The following MAP4K4 variants were observed in gnomAD, a reference collection of about 807,000 sequenced individuals.
MAP4K4 encodes HPK/GCK-like kinase HGK.
MAP4K4 carries 38 observed loss-of-function variants against 189.6 expected under a neutral mutation model. The ratio of observed to expected loss-of-function variants is 0.20; its 90% confidence interval spans 0.15 to 0.26. The LOEUF (loss-of-function observed/expected upper bound fraction) is 0.26. Ranked by LOEUF, MAP4K4 falls within the 10% of genes least tolerant of loss-of-function variation. The pLI, the probability that MAP4K4 is intolerant of heterozygous loss-of-function variation, is 1.00. For missense variants in MAP4K4, 1,054 were observed against 1,726.9 expected, an observed-to-expected ratio of 0.61 and a Z score of 6.91; for synonymous variants, 610 against 624.3, an observed-to-expected ratio of 0.98 and a Z score of 0.34.
intron 10 of MAP4K4, among the ~76,000 whole-genome samples, chr2:101,842,386 G>A (rs970429364): frequency 2.4e-4 from 37 of 152,168 alleles, no homozygotes; most frequent in African/African-American, 7.0e-4. Flanking sequence ...CTCGAATGCC[G>A]TGGAATCAGC....
At chr2:101,735,180 A>C (rs1001538724) in intron 2 of MAP4K4, among the ~76,000 whole-genome samples, 1 of 152,200 alleles carries the variant, frequency 6.6e-6, no homozygotes, top group Non-Finnish European at 1.5e-5. Context: ...CTGTTACCAT[A>C]CCATGGCAAG....
intron 2 of MAP4K4, among the ~76,000 whole-genome samples, chr2:101,731,866 T>G (rs975462837): frequency 6.6e-6 from 1 of 152,186 alleles, no homozygotes; most frequent in Non-Finnish European, 1.5e-5. Context: ...GGATTCCTTT[T>G]AAATGAAAAA....
At position 101,879,528 on chromosome 2, in the gene MAP4K4, G is replaced by C. The variant is rs767368242; in HGVS notation, c.3385+2382G>C. On this transcript the variant is annotated intron_variant, in intron 27 of 32. Coordinates refer to ENST00000324219, the Ensembl canonical transcript of MAP4K4. ...TCTTTTTCTTCTCTTAACATATATT[G>C]AATATTTTCCTGCAAACAATTCCCC... Among the ~76,000 whole-genome samples, 118 of 151,938 alleles carry C rather than the reference G, an allele frequency of 7.8e-4. 1 individual carries two copies. Among genetic ancestry groups the C allele is most frequent in the Non-Finnish European group, 1.4e-3 (93 of 67,982 alleles).
chr2:101,792,304 A>G (rs904738900), intron 3 of MAP4K4, among the ~76,000 whole-genome samples: 1 of 152,120 alleles, frequency 6.6e-6, no homozygotes, highest in Non-Finnish European at 1.5e-5. Context: ...TGTAGGTACA[A>G]TTTTAAATGT....
chr2:101,763,369 A>T, intron 2 of MAP4K4, among the ~76,000 whole-genome samples: 1 of 152,250 alleles, frequency 6.6e-6, no homozygotes, highest in East Asian at 1.9e-4. Context: ...TTATTAATAT[A>T]TACCCACTTT....
At chr2:101,859,998 G>A (rs905384572) in intron 15 of MAP4K4, 134 bp downstream of exon 15, 4 of 952,784 alleles carry the variant, frequency 4.2e-6, no homozygotes, top group Non-Finnish European at 4.8e-6. Context: ...TTCTAACTAG[G>A]AAATTGAATT....
chr2:101,833,486 G>A (rs2096649495), intron 7 of MAP4K4, among the ~76,000 whole-genome samples: 1 of 152,042 alleles, frequency 6.6e-6, no homozygotes, highest in Non-Finnish European at 1.5e-5. Context: ...CGGGCATGGT[G>A]GCGGGCGCCT....
At chr2:101,720,082 GAGAA>G (rs1478165788) in intron 2 of MAP4K4, among the ~76,000 whole-genome samples, 1 of 151,932 alleles carries the variant, frequency 6.6e-6, no homozygotes, top group Non-Finnish European at 1.5e-5. Context: ...AAATGCTGTT[GAGAA>G]AGAAACAAGG....
At chr2:101,849,921 C>T (rs1322801273) in intron 12 of MAP4K4, among the ~76,000 whole-genome samples, 1 of 151,822 alleles carries the variant, frequency 6.6e-6, no homozygotes, top group African/African-American at 2.4e-5. Context: ...AGATGGTGTC[C>T]TGGAGAAAAC....
intron 3 of MAP4K4, among the ~76,000 whole-genome samples, chr2:101,816,620 G>T (rs1482208063): frequency 6.6e-6 from 1 of 152,184 alleles, no homozygotes; most frequent in Non-Finnish European, 1.5e-5. Flanking sequence ...GACAGTGGAT[G>T]ATGAGTGCTC....
chr2:101,713,274 C>T (rs1408686098), intron 2 of MAP4K4, among the ~76,000 whole-genome samples: 1 of 152,004 alleles, frequency 6.6e-6, no homozygotes, highest in Non-Finnish European at 1.5e-5. Context: ...GCCAGTGTTC[C>T]AGTTTGACAG....
In MAP4K4 at chr2:101,753,117, A is replaced by AGCAG. The variant is rs539279157; in HGVS notation, c.124-37599_124-37596dup. 2.6e-4 allele frequency among the ~76,000 whole-genome samples: 39 copies of AGCAG among 152,344 alleles called. No individual in the cohort carries two copies. The South Asian group carries it at 4.8e-3, about 19-fold the overall frequency. On this transcript the variant is annotated intron_variant, in intron 2 of 32. Coordinates refer to ENST00000324219, the Ensembl canonical transcript of MAP4K4. ...TTAATCTCTCAAATTAATGCTATAAAGCAGGCACTGTTTTTATTTCCATTT... is the reference window on the plus strand; with the variant it reads ...TTAATCTCTCAAATTAATGCTATAAAGCAGGCAGGCACTGTTTTTATTTCCATTT...
intron 3 of MAP4K4, among the ~76,000 whole-genome samples, chr2:101,796,073 T>C (rs2093653743): frequency 6.6e-6 from 1 of 152,180 alleles, no homozygotes; most frequent in African/African-American, 2.4e-5. Context: ...CGGTGCTCTT[T>C]GGAGTGAATG....
chr2:101,885,441 G>GT (rs746808100), intron 29 of MAP4K4, among the ~76,000 whole-genome samples, 154 bp downstream of exon 29: 28 of 152,342 alleles, frequency 1.8e-4, no homozygotes, highest in Non-Finnish European at 3.8e-4. Flanking sequence ...CATTTCTAAT[G>GT]TAATAAGCTT....
intron 4 of MAP4K4, among the ~76,000 whole-genome samples, chr2:101,825,034 TC>T (rs1248880180): frequency 6.6e-6 from 1 of 152,234 alleles, no homozygotes; most frequent in Admixed American, 6.5e-5. Flanking sequence ...AAAGTGGTCC[TC>T]CTGTGCCCAT....
At chr2:101,788,905 G>A (rs573519286) in intron 2 of MAP4K4, among the ~76,000 whole-genome samples, 7 of 152,228 alleles carry the variant, frequency 4.6e-5, no homozygotes, top group Non-Finnish European at 8.8e-5. Context: ...CTCTATAAAT[G>A]TCTGAGGAGG....
chr2:101,800,052 G>A (rs2094208669), intron 3 of MAP4K4, among the ~76,000 whole-genome samples: 2 of 151,806 alleles, frequency 1.3e-5, no homozygotes, highest in African/African-American at 2.4e-5. Context: ...CGTGGGTGGT[G>A]CTTAGCATAT....
At chr2:101,785,683 T>C (rs986854597) in intron 2 of MAP4K4, among the ~76,000 whole-genome samples, 1 of 1,818 alleles carries the variant, frequency 5.5e-4, no homozygotes, top group Non-Finnish European at 1.1e-3. Flanking sequence ...TCTCCCTCTC[T>C]CTCTCTCTCT....
chr2:101,843,989 A>G (rs998411261), intron 11 of MAP4K4, 112 bp from the exon 12 acceptor site: 1 of 686,640 alleles, frequency 1.5e-6, no homozygotes, highest in African/African-American at 1.8e-5. Flanking sequence ...CCCTGGAGTC[A>G]GAGGAACTCA....
Sources: allele counts gnomAD v4.1 joint callset (sites outside exome capture counted in the v4.1 genomes callset), GRCh38; gene constraint gnomAD v4.1.1; transcripts MANE v1.5; gene names NCBI Gene and HGNC (gene_info 2026-07-23, HGNC 2026-07-21).